The following VMAC variants were observed in gnomAD, a reference collection of about 807,000 sequenced individuals.
VMAC encodes the protein vimentin-type intermediate filament-associated coiled-coil protein.
VMAC carries 8 observed loss-of-function variants against 4.8 expected under a neutral mutation model. The observed-to-expected ratio is 1.68, with a 90% CI of 0.99 to 3.03. The LOEUF (loss-of-function observed/expected upper bound fraction) is 3.03, where lower values mean the gene tolerates loss of function less well. Among genes scored for constraint, VMAC ranks in the 30% most tolerant of loss-of-function variants. VMAC has a pLI of 0.00. For missense variants in VMAC, 248 were observed against 245.1 expected (o/e 1.01, Z -0.08); for synonymous variants, 96 against 113.7 (o/e 0.84, Z 0.99).
Position 5,908,237 on chromosome 19 carries a change from G to T in VMAC, c.192-587G>T, listed in dbSNP as rs866110307. On this transcript the variant is annotated intron_variant, in intron 1 of 1. Transcript: ENST00000339485. This position sits in a 1 kb window ranked among gnomAD's most constrained non-coding sequence, Gnocchi z 4.5. ...CGCATGCCTGTAAACCCAGCTACTC[G>T]GGAGGTTGAGGAGGACAGTTTGAAC... 6.6e-6 allele frequency among the ~76,000 whole-genome samples: 1 copy of T among 152,162 alleles called. No homozygotes were observed. The highest frequency in any genetic ancestry group is 2.4e-5 in the African/African-American group (1 of 41,432).
At position 5,909,170 on chromosome 19, in the gene VMAC, A is replaced by G. The variant is rs1372905308; in HGVS notation, c.*28A>G. On this transcript the variant is annotated 3_prime_UTR_variant, in exon 2 of 2. Transcript: ENST00000339485. ...CCGGAATGCAGATTACAGAATGGAG[A>G]CAGAAAGCCACTGCTGTCAGTGTCC... 6.6e-7 allele frequency: 1 copy of G among 1,523,578 alleles called. No homozygotes were observed. The highest frequency in any genetic ancestry group is 8.7e-7 in the Non-Finnish European group (1 of 1,143,030). The allele number at this position is 1,523,578 out of a possible 1,614,324, so 94.4% of individuals were successfully genotyped here.
chr19:5,907,637 T>A (rs866151630), intron 1 of VMAC, among the ~76,000 whole-genome samples: 17 of 27,140 alleles, frequency 6.3e-4, no homozygotes, highest in African/African-American at 1.3e-3. Flanking sequence ...AAAAAAAAAA[T>A]TAGCTGGGCA....
Position 5,906,934 on chromosome 19 carries a change from C to T in VMAC, c.191+1853C>T, listed in dbSNP as rs184520751. On this transcript the variant is annotated intron_variant, in intron 1 of 1. Coordinates refer to ENST00000339485, the MANE Select transcript of VMAC (RefSeq NM_001017921.4). Reference sequence around the variant, plus strand: ...CCCAGCTACTCGGGAGGTTGAGGCACGAGAATCGCTTGAACCCAGGAGGCG... The same window carrying T: ...CCCAGCTACTCGGGAGGTTGAGGCATGAGAATCGCTTGAACCCAGGAGGCG... 6.8e-4 allele frequency among the ~76,000 whole-genome samples: 104 copies of T among 152,210 alleles called. No individual in the cohort carries two copies. The Middle Eastern group carries it at 0.02, about 30-fold the overall frequency.
chr19:5,909,054 G>C lies in VMAC; in HGVS notation c.422G>C (p.Gly141Ala). 6.4e-7 allele frequency: 1 copy of C among 1,563,844 alleles called. No individual in the cohort carries two copies. Among genetic ancestry groups the C allele is most frequent in the Non-Finnish European group, 8.6e-7 (1 of 1,157,290 alleles). ...AGTGACCCCGGCCACCCACCCCCCG[G>C]TGGGCCTGGTCCACCCCTTGACAAC... Reference protein sequence around the residue: ...PASDPGHPPPGGPGPPLDNST... With the variant: ...PASDPGHPPPAGPGPPLDNST... The change falls in exon 2 of 2, where the codon GGT becomes GCT. Residue 141 changes from glycine (G) to alanine (A), a missense_variant. Transcript: ENST00000339485.
intron 1 of VMAC, among the ~76,000 whole-genome samples, chr19:5,905,871 T>C (rs1177753355): frequency 2.0e-5 from 3 of 152,106 alleles, no homozygotes; most frequent in African/African-American, 7.2e-5. Flanking sequence ...ATTTTTTGTA[T>C]TTTTTTGTAG....
At position 5,907,798 on chromosome 19, in the gene VMAC, A is replaced by G. The variant is rs2057684289; in HGVS notation, c.192-1026A>G. Among the ~76,000 whole-genome samples, 3 of 151,236 alleles carry G rather than the reference A, an allele frequency of 2.0e-5. No individual in the cohort carries two copies. In the South Asian group the frequency reaches 6.3e-4, roughly 32 times the overall value. On this transcript the variant is annotated intron_variant, in intron 1 of 1. Transcript: ENST00000339485. The stretch of plus-strand genomic sequence containing the variant: ...TAGATTCCGTCTCAATCAATAAGGG[A>G]GATCTGATGGTTTTATAAGGGATTC...
Position 5,910,368 on chromosome 19 carries a change from C to T in VMAC, c.*1226C>T, listed in dbSNP as rs1486790340. On this transcript the variant is annotated 3_prime_UTR_variant, in exon 2 of 2. Transcript: ENST00000339485. ...GCGATTGCATCTAATCTTCGAGTTT[C>T]CCTGTAGACACAGGCTTTGTCCTCA... 2 of 152,184 alleles carry T rather than the reference C, an allele frequency of 1.3e-5. No homozygotes were observed. Among genetic ancestry groups the T allele is most frequent in the African/African-American group, 2.4e-5 (1 of 41,426 alleles). The allele number at this position is 152,184 out of a possible 1,614,324, so 9.4% of individuals were successfully genotyped here.
chr19:5,906,672 T>C (rs918090340), intron 1 of VMAC, among the ~76,000 whole-genome samples: 1 of 152,116 alleles, frequency 6.6e-6, no homozygotes, highest in African/African-American at 2.4e-5. Flanking sequence ...TGGGAAAAGA[T>C]AATGGAAAGG....
chr19:5,907,626 A>AAAAAAAAAAAAAAAAAAAAAAAC (rs1245599437), intron 1 of VMAC, among the ~76,000 whole-genome samples: 1 of 140,308 alleles, frequency 7.1e-6, no homozygotes, highest in Non-Finnish European at 1.6e-5. Flanking sequence ...AAAAAAAAAA[A>AAAAAAAAAAAAAAAAAAAAAAAC]AAAAAAAAAA....
At chr19:5,905,399 T>C (rs2057674951) in intron 1 of VMAC, among the ~76,000 whole-genome samples, 1 of 152,132 alleles carries the variant, frequency 6.6e-6, no homozygotes, top group Admixed American at 6.5e-5. Context: ...GGGGATCATA[T>C]CAGCATTTTA....
At position 5,908,938 on chromosome 19, in the gene VMAC, G is replaced by A. The variant is rs1568435617; in HGVS notation, c.306G>A (p.Glu102=). 1.2e-5 allele frequency: 20 copies of A among 1,613,560 alleles called. No individual in the cohort carries two copies. The highest frequency in any genetic ancestry group is 1.5e-5 in the Non-Finnish European group (18 of 1,179,920). ...TTAGGCAGTTGCAGCCCCGGGCTGA[G>A]CTGCTGCAGGACATCTGCCGCCGCC... ...ELIRQLQPRA[E]LLQDICRRRP... The change falls in exon 2 of 2, where the codon GAG becomes GAA. Residue 102 remains glutamate (E), a synonymous_variant. Coordinates refer to ENST00000339485, the MANE Select transcript of VMAC (RefSeq NM_001017921.4). The surrounding 1 kb of genome is among the most constrained non-coding windows in gnomAD (Gnocchi z 4.5).
intron 1 of VMAC, among the ~76,000 whole-genome samples, chr19:5,906,655 G>C (rs1242936526): frequency 6.6e-6 from 1 of 152,178 alleles, no homozygotes; most frequent in Admixed American, 6.5e-5. Flanking sequence ...AGCCTACTAA[G>C]AATAGGTGGG....
At chr19:5,906,920 G>A (rs1338941982) in intron 1 of VMAC, among the ~76,000 whole-genome samples, 3 of 152,186 alleles carry the variant, frequency 2.0e-5, no homozygotes, top group African/African-American at 2.4e-5. Context: ...CCAGCTACTC[G>A]GGAGGTTGAG....
chr19:5,908,628 T>G lies in VMAC; in HGVS notation c.192-196T>G, dbSNP rs1305040578. 8.1e-6 allele frequency among the ~76,000 whole-genome samples: 1 copy of G among 124,182 alleles called. No homozygotes were observed. Among genetic ancestry groups the G allele is most frequent in the Non-Finnish European group, 1.7e-5 (1 of 58,882 alleles). 81.5% of individuals were successfully genotyped at this position (124,182 alleles called of 152,430 possible). A position where few individuals can be genotyped will look rare whatever the true frequency, so the allele number is the denominator to read the frequency against. ...TAGACTTCGTCTCAAAAAAAAATAA[T>G]AATAAAATAAAATATAATAATAATA... On this transcript the variant is annotated intron_variant, in intron 1 of 1. Coordinates refer to ENST00000339485, the MANE Select transcript of VMAC (RefSeq NM_001017921.4). This position sits in a 1 kb window ranked among gnomAD's most constrained non-coding sequence, Gnocchi z 4.5.
Position 5,909,035 on chromosome 19 carries a change from C to T in VMAC, c.403C>T (p.Pro135Ser). Reference sequence around the variant, plus strand: ...CCTGGGGCCCCTGCCGGCCAGTGACCCCGGCCACCCACCCCCCGGTGGGCC... The same window carrying T: ...CCTGGGGCCCCTGCCGGCCAGTGACTCCGGCCACCCACCCCCCGGTGGGCC... ...ERLGPLPASD[P>S]GHPPPGGPGP... The change falls in exon 2 of 2, where the codon CCC becomes TCC. Residue 135 changes from proline (P) to serine (S), a missense_variant. Transcript: ENST00000339485. 6.3e-6 allele frequency: 10 copies of T among 1,576,104 alleles called. No homozygotes were observed. Among genetic ancestry groups the T allele is most frequent in the Non-Finnish European group, 8.6e-6 (10 of 1,162,600 alleles).
intron 1 of VMAC, among the ~76,000 whole-genome samples, chr19:5,905,581 G>A (rs907020404): frequency 6.6e-6 from 1 of 151,968 alleles, no homozygotes; most frequent in Non-Finnish European, 1.5e-5. Context: ...CACCACGCCC[G>A]GTCGATTTTT....
intron 1 of VMAC, among the ~76,000 whole-genome samples, chr19:5,905,819 C>G (rs1378326499): frequency 6.6e-6 from 1 of 152,054 alleles, no homozygotes; most frequent in East Asian, 1.9e-4. Context: ...CTCAGTCTCC[C>G]AAGCAGCTGG....
chr19:5,904,874 G>GT lies in VMAC; in HGVS notation c.-16dup. On this transcript the variant is annotated 5_prime_UTR_variant, in exon 1 of 2. Coordinates refer to ENST00000339485, the MANE Select transcript of VMAC (RefSeq NM_001017921.4). ...GCCGCCTGGGGGCGTGGCCGGGCCTGTACAGCAGCCTGGGCCATGTCGGCG... is the reference window on the plus strand; with the variant it reads ...GCCGCCTGGGGGCGTGGCCGGGCCTGTTACAGCAGCCTGGGCCATGTCGGCG... 1 of 1,455,312 alleles carries GT rather than the reference G, an allele frequency of 6.9e-7. No homozygotes were observed. The highest frequency in any genetic ancestry group is 9.0e-7 in the Non-Finnish European group (1 of 1,114,486). The allele number at this position is 1,455,312 out of a possible 1,614,324, so 90.1% of individuals were successfully genotyped here. A position where few individuals can be genotyped will look rare whatever the true frequency, so the allele number is the denominator to read the frequency against.
Position 5,910,731 on chromosome 19 carries a change from TG to T in VMAC, c.*1590del, listed in dbSNP as rs1422103582. 17 of 151,330 alleles carry T rather than the reference TG, an allele frequency of 1.1e-4. No homozygotes were observed. Among genetic ancestry groups the T allele is most frequent in the African/African-American group, 4.1e-4 (17 of 41,140 alleles). The allele number at this position is 151,330 out of a possible 1,614,324, so 9.4% of individuals were successfully genotyped here. A position where few individuals can be genotyped will look rare whatever the true frequency, so the allele number is the denominator to read the frequency against. ...AACAACAAACAGAGGCCCAGAGGTGTGAAGGGAACACACTCCGGGTCTGGAG... is the reference window on the plus strand; with the variant it reads ...AACAACAAACAGAGGCCCAGAGGTGTAAGGGAACACACTCCGGGTCTGGAG... On this transcript the variant is annotated 3_prime_UTR_variant, in exon 2 of 2. Coordinates refer to ENST00000339485, the MANE Select transcript of VMAC (RefSeq NM_001017921.4).
Sources: allele counts gnomAD v4.1 joint callset (sites outside exome capture counted in the v4.1 genomes callset), GRCh38; gene constraint gnomAD v4.1.1; non-coding constraint Gnocchi (gnomAD v3.1); transcripts MANE v1.5; gene names NCBI Gene and HGNC (gene_info 2026-07-23, HGNC 2026-07-21).